Variants in SMIM14 observed in about 807,000 individuals in gnomAD.
SMIM14 encodes chromosome 4 open reading frame 34.
Under a neutral mutation model 12.6 loss-of-function variants are expected in SMIM14, and 5 were observed. The ratio of observed to expected loss-of-function variants is 0.40; its 90% CI spans 0.21 to 0.83. The LOEUF (loss-of-function observed/expected upper bound fraction) is 0.83, where lower values mean the gene tolerates loss of function less well. Among genes scored for constraint, SMIM14 ranks in the 40% least tolerant of loss-of-function variants. The pLI is 0.37. For synonymous variants in SMIM14, 30 were observed against 40.1 expected, an observed-to-expected ratio of 0.75 and a Z score of 0.95; for missense variants, 86 against 119.1, an observed-to-expected ratio of 0.72 and a Z score of 1.29.
chr4:39,604,022 A>G lies in SMIM14; in HGVS notation c.75+1049T>C, dbSNP rs113570249. Among the ~76,000 whole-genome samples, 276 of 151,088 alleles carry G rather than the reference A, an allele frequency of 1.8e-3. 2 individuals are homozygous for G. Among genetic ancestry groups the G allele is most frequent in the East Asian group, 2.5e-3 (13 of 5,162 alleles). ...TGAGACACTGTCTCAAAAAAAAAAA[A>G]AAAAGAAATGCTTTACATAGAGATT... On this transcript the variant is annotated intron_variant, in intron 2 of 4. Coordinates refer to ENST00000295958, the MANE Select transcript of SMIM14 (RefSeq NM_174921.3).
intron 3 of SMIM14, among the ~76,000 whole-genome samples, chr4:39,559,600 G>T (rs1712190994): frequency 6.6e-6 from 1 of 152,096 alleles, no homozygotes; most frequent in Admixed American, 6.6e-5. Flanking sequence ...AGTGGGTCCA[G>T]GGCTCAATTC....
At chr4:39,610,716 A>G (rs1053558206) in intron 1 of SMIM14, among the ~76,000 whole-genome samples, 10 of 151,786 alleles carry the variant, frequency 6.6e-5, no homozygotes, top group African/African-American at 2.4e-4. Flanking sequence ...AAAAAAACTG[A>G]AAGAACATAC....
At chr4:39,614,876 C>A (rs1560305001) in intron 1 of SMIM14, among the ~76,000 whole-genome samples, 1 of 152,146 alleles carries the variant, frequency 6.6e-6, no homozygotes, top group Non-Finnish European at 1.5e-5. Context: ...CCTTATTCTG[C>A]AGGTCCAGGT....
intron 4 of SMIM14, among the ~76,000 whole-genome samples, chr4:39,553,409 A>G (rs1052627844): frequency 2.8e-4 from 42 of 151,986 alleles, no homozygotes; most frequent in African/African-American, 9.9e-4. Context: ...CTATTTCTTT[A>G]GCTCCAAACA....
intron 1 of SMIM14, among the ~76,000 whole-genome samples, chr4:39,619,894 G>T: frequency 8.1e-6 from 1 of 122,748 alleles, no homozygotes; most frequent in African/African-American, 3.2e-5. Context: ...TTTTTTAAGA[G>T]CAAGATAGGG....
chr4:39,617,062 T>A (rs1317188181), intron 1 of SMIM14, among the ~76,000 whole-genome samples: 1 of 152,226 alleles, frequency 6.6e-6, no homozygotes, highest in East Asian at 1.9e-4. Flanking sequence ...TATGTTTCTA[T>A]ACATATTACT....
At chr4:39,560,946 ATC>A (rs1220481359) in intron 3 of SMIM14, among the ~76,000 whole-genome samples, 2 of 151,958 alleles carry the variant, frequency 1.3e-5, no homozygotes, top group Non-Finnish European at 2.9e-5. Flanking sequence ...ATAACCTCTT[ATC>A]TGGTCTATTG....
In SMIM14 at chr4:39,556,539, A is replaced by G; in HGVS notation, c.156T>C (p.Ser52=). 11 of 1,611,754 alleles carry G rather than the reference A, an allele frequency of 6.8e-6. No individual in the cohort carries two copies. The highest frequency in any genetic ancestry group is 9.3e-6 in the Non-Finnish European group (11 of 1,179,492). Reference sequence around the variant, plus strand: ...TCCAGGCTACCAAGATCATTGTAACACTGATGCCATTATCACCAGAGGGTC... The same window carrying G: ...TCCAGGCTACCAAGATCATTGTAACGCTGATGCCATTATCACCAGAGGGTC... ...LPGPSGDNGI[S]VTMILVAWMV... Residue 52 remains serine (S), a synonymous_variant, in exon 4 of 5, where the codon AGT becomes AGC. Coordinates refer to ENST00000295958, the MANE Select transcript of SMIM14 (RefSeq NM_174921.3).
intron 1 of SMIM14, among the ~76,000 whole-genome samples, chr4:39,628,038 G>A (rs548170523): frequency 6.6e-6 from 1 of 152,314 alleles, no homozygotes; most frequent in South Asian, 2.1e-4. Flanking sequence ...GCTAGGCGTG[G>A]GGGCTCACGC....
chr4:39,570,800 G>T lies in SMIM14; in HGVS notation c.124+1615C>A, dbSNP rs1712842039. 2.0e-5 allele frequency among the ~76,000 whole-genome samples: 3 copies of T among 152,092 alleles called. No homozygotes were observed. The South Asian group carries it at 6.2e-4, about 32-fold the overall frequency. Reference sequence around the variant, plus strand: ...GCCTCCCAAGTAGCCGGGACTCCAGGAGCATGACACCATGCCTGGCTCAAT... The same window carrying T: ...GCCTCCCAAGTAGCCGGGACTCCAGTAGCATGACACCATGCCTGGCTCAAT... On this transcript the variant is annotated intron_variant, in intron 3 of 4. Coordinates refer to ENST00000295958, the MANE Select transcript of SMIM14 (RefSeq NM_174921.3).
chr4:39,638,731 A>G lies in SMIM14; in HGVS notation c.-36+8T>C, dbSNP rs1716200050. 1.0e-6 allele frequency: 1 copy of G among 984,972 alleles called. No individual in the cohort carries two copies. Among genetic ancestry groups the G allele is most frequent in the Admixed American group, 6.2e-5 (1 of 16,234 alleles). The allele number at this position is 984,972 out of a possible 1,614,324, so 61.0% of individuals were successfully genotyped here. A position where few individuals can be genotyped will look rare whatever the true frequency, so the allele number is the denominator to read the frequency against. ...GCAAACGCTGGTGGGAGAGGGGGAGACACTCACCCGCCCAGACAACAACCG... is the reference window on the plus strand; with the variant it reads ...GCAAACGCTGGTGGGAGAGGGGGAGGCACTCACCCGCCCAGACAACAACCG... On this transcript the variant is annotated splice_region_variant and intron_variant, in intron 1 of 4. Transcript: ENST00000295958.
At chr4:39,610,535 A>T (rs954868252) in intron 1 of SMIM14, among the ~76,000 whole-genome samples, 18 of 151,838 alleles carry the variant, frequency 1.2e-4, no homozygotes, top group African/African-American at 2.4e-4. Flanking sequence ...ACACACAAAA[A>T]TTTTTTTTAA....
rs115112727 is a variant in SMIM14, at chr4:39,559,211, T to C, written c.125-2641A>G. Among the ~76,000 whole-genome samples the C allele has an allele frequency of 5.1e-3, 771 of 152,048 alleles. 5 individuals carry two copies. The highest frequency in any genetic ancestry group is 0.017 in the African/African-American group (726 of 41,498). On this transcript the variant is annotated intron_variant, in intron 3 of 4. Coordinates refer to ENST00000295958, the MANE Select transcript of SMIM14 (RefSeq NM_174921.3). ...AGAGAAACCAATATATGAAGGTGCA[T>C]TGGTGAGACTGCAACATCTCTACGA...
chr4:39,610,246 C>G lies in SMIM14; in HGVS notation c.-35-5066G>C, dbSNP rs575417848. ...AAGTGATCCTCCCTCCTCAGCCTCC[C>G]AAAGTGCTGAAATTACAGGTGTGAG... is the stretch of plus-strand genomic sequence containing the variant. On this transcript the variant is annotated intron_variant, in intron 1 of 4. Coordinates refer to ENST00000295958, the MANE Select transcript of SMIM14 (RefSeq NM_174921.3). Among the ~76,000 whole-genome samples, 9 of 152,244 alleles carry G rather than the reference C, an allele frequency of 5.9e-5. No homozygotes were observed. The Middle Eastern group carries it at 0.02, about 345-fold the overall frequency.
At chr4:39,587,416 G>A (rs1244627285) in intron 2 of SMIM14, among the ~76,000 whole-genome samples, 3 of 141,342 alleles carry the variant, frequency 2.1e-5, no homozygotes, top group African/African-American at 8.0e-5. Flanking sequence ...AGAATGGCAT[G>A]AAACAGGGAC....
intron 1 of SMIM14, among the ~76,000 whole-genome samples, chr4:39,615,512 A>G (rs1249089156): frequency 6.6e-6 from 1 of 152,188 alleles, no homozygotes; most frequent in Non-Finnish European, 1.5e-5. Flanking sequence ...ACCCTAATGT[A>G]AACTATGGAC....
chr4:39,593,924 T>C (rs1365233398), intron 2 of SMIM14: 6 of 151,992 alleles, frequency 3.9e-5, no homozygotes, highest in Admixed American at 3.3e-4. Context: ...AATGGAAGAA[T>C]ATTCCATGCT....
chr4:39,615,621 G>T (rs1056923811), intron 1 of SMIM14, among the ~76,000 whole-genome samples: 15 of 152,078 alleles, frequency 9.9e-5, no homozygotes, highest in African/African-American at 3.4e-4. Flanking sequence ...ATGTGTGGGG[G>T]CAGGGGATAT....
intron 2 of SMIM14, among the ~76,000 whole-genome samples, chr4:39,596,648 T>A (rs1273174333): frequency 1.3e-5 from 2 of 152,176 alleles, no homozygotes; most frequent in Non-Finnish European, 2.9e-5. Flanking sequence ...TTGAGGTATA[T>A]CCCTTTGAAC....
Sources: allele counts gnomAD v4.1 joint callset (sites outside exome capture counted in the v4.1 genomes callset), GRCh38; gene constraint gnomAD v4.1.1; transcripts MANE v1.5; gene names NCBI Gene and HGNC (gene_info 2026-07-23, HGNC 2026-07-21).